The following DOCK3 variants were observed in gnomAD, a reference collection of about 807,000 sequenced individuals.
DOCK3 encodes dedicator of cytokinesis 3, also known as dedicator of cytokinesis protein 3.
In DOCK3, 60 loss-of-function variants were observed where a neutral mutation model predicts 265.6. The ratio of observed to expected loss-of-function variants is 0.23; its 90% CI spans 0.18 to 0.28. The LOEUF is 0.28. DOCK3 is among the 10% of genes least tolerant of loss of function. The pLI is 1.00. For synonymous variants in DOCK3, 881 were observed against 938.0 expected (o/e 0.94, Z 1.11); for missense variants, 1,981 against 2,594.3 (o/e 0.76, Z 5.14).
intron 9 of DOCK3, among the ~76,000 whole-genome samples, chr3:51,117,027 CCTTGT>C (rs2083772419): frequency 6.6e-6 from 1 of 152,172 alleles, no homozygotes; most frequent in Non-Finnish European, 1.5e-5. Flanking sequence ...GAGAGGGCAT[CCTTGT>C]CTTGTGCCAG....
At chr3:50,966,190 A>G (rs2077027004) in intron 5 of DOCK3, among the ~76,000 whole-genome samples, 1 of 152,122 alleles carries the variant, frequency 6.6e-6, no homozygotes. Flanking sequence ...GTTATTGTAT[A>G]TATTCCACAT....
At chr3:50,703,224 G>A (rs1294479168) in intron 1 of DOCK3, among the ~76,000 whole-genome samples, 2 of 152,234 alleles carry the variant, frequency 1.3e-5, no homozygotes, top group South Asian at 2.1e-4. Flanking sequence ...TCTTTTTGAT[G>A]TGTTATTATA....
At chr3:51,290,641 A>G (rs1250103992) in intron 27 of DOCK3, among the ~76,000 whole-genome samples, 9 of 152,190 alleles carry the variant, frequency 5.9e-5, no homozygotes, top group Admixed American at 5.9e-4. Context: ...ATATGTAACA[A>G]ACCTGCATGT....
chr3:51,281,274 A>AAAATATATATATATAT (rs2081096243), intron 27 of DOCK3, among the ~76,000 whole-genome samples: 2 of 125,680 alleles, frequency 1.6e-5, no homozygotes, highest in African/African-American at 6.1e-5. Flanking sequence ...GATGAGCTAA[A>AAAATATATATATATAT]ATATATATAT....
intron 5 of DOCK3, among the ~76,000 whole-genome samples, chr3:50,950,958 A>ATCTCTC (rs35552377): frequency 1.3e-5 from 2 of 149,984 alleles, no homozygotes; most frequent in African/African-American, 4.9e-5. Context: ...AACGGAGGGA[A>ATCTCTC]TCTCTCTCTC....
chr3:51,232,028 A>G (rs1055820520), intron 19 of DOCK3, among the ~76,000 whole-genome samples: 1 of 152,232 alleles, frequency 6.6e-6, no homozygotes, highest in Non-Finnish European at 1.5e-5. Context: ...TTTCCACACA[A>G]TGTAAATATA....
In DOCK3 at chr3:50,975,752, G is replaced by T. The variant is rs543229352; in HGVS notation, c.315+41675G>T. ...CTCCTTGTACTTCTGGTAGAATTCC[G>T]CTGTGAATCCATCTGGTCCTGGACT... is the stretch of plus-strand genomic sequence containing the variant. On this transcript the variant is annotated intron_variant, in intron 5 of 52. Transcript: ENST00000266037. Among the ~76,000 whole-genome samples, 36 of 152,170 alleles carry T rather than the reference G, an allele frequency of 2.4e-4. No homozygotes were observed. The South Asian group carries it at 6.0e-3, about 25-fold the overall frequency.
intron 2 of DOCK3, among the ~76,000 whole-genome samples, chr3:50,803,708 C>G (rs2043203393): frequency 6.6e-6 from 1 of 151,494 alleles, no homozygotes; most frequent in Non-Finnish European, 1.5e-5. Flanking sequence ...GGCTGCCCCC[C>G]ACCTCCCTCC....
At chr3:51,245,222 G>A (rs935683660) in intron 21 of DOCK3, among the ~76,000 whole-genome samples, 1 of 151,844 alleles carries the variant, frequency 6.6e-6, no homozygotes, top group Non-Finnish European at 1.5e-5. Flanking sequence ...CTGTAATCCC[G>A]GCTGCTTGGG....
chr3:51,054,121 T>C (rs889886966), intron 5 of DOCK3, among the ~76,000 whole-genome samples: 1 of 84,984 alleles, frequency 1.2e-5, no homozygotes, highest in African/African-American at 4.4e-5. Context: ...CGTAGCTTCC[T>C]AAAAAAAAAA....
chr3:50,959,839 C>T (rs1322938212), intron 5 of DOCK3, among the ~76,000 whole-genome samples: 1 of 152,064 alleles, frequency 6.6e-6, no homozygotes, highest in Non-Finnish European at 1.5e-5. Flanking sequence ...CTCGGCCTCT[C>T]AAAGTACTAG....
chr3:50,865,621 A>G (rs2047105853), intron 3 of DOCK3, among the ~76,000 whole-genome samples: 2 of 152,302 alleles, frequency 1.3e-5, no homozygotes, highest in African/African-American at 4.8e-5. Flanking sequence ...ATGGGAGCGC[A>G]TGTATCTCTT....
chr3:51,012,575 C>G (rs62257841), intron 5 of DOCK3, among the ~76,000 whole-genome samples: 1 of 152,096 alleles, frequency 6.6e-6, no homozygotes, highest in Non-Finnish European at 1.5e-5. Flanking sequence ...AAAGGGATTT[C>G]TCTGACCCCT....
intron 5 of DOCK3, among the ~76,000 whole-genome samples, chr3:50,978,050 T>A (rs944365827): frequency 6.6e-6 from 1 of 152,028 alleles, no homozygotes; most frequent in East Asian, 1.9e-4. Context: ...TTCTTCTAAA[T>A]TTTTTTCAAA....
intron 27 of DOCK3, among the ~76,000 whole-genome samples, chr3:51,289,486 A>G (rs1385452378): frequency 1.3e-5 from 2 of 152,354 alleles, no homozygotes; most frequent in Non-Finnish European, 2.9e-5. Context: ...GAAGAAAGCA[A>G]TACAGGAAGA....
At chr3:51,285,658 G>A (rs1487292026) in intron 27 of DOCK3, among the ~76,000 whole-genome samples, 3 of 152,008 alleles carry the variant, frequency 2.0e-5, no homozygotes, top group Non-Finnish European at 2.9e-5. Flanking sequence ...GGTAAGGCCA[G>A]GTGCAGTGCC....
At chr3:51,150,734 G>C (rs996544009) in intron 10 of DOCK3, among the ~76,000 whole-genome samples, 1 of 152,324 alleles carries the variant, frequency 6.6e-6, no homozygotes, top group African/African-American at 2.4e-5. Context: ...TTTTACATTT[G>C]CTGAGGAGTG....
chr3:51,209,001 T>A, intron 13 of DOCK3, 139 bp downstream of exon 13: 1 of 726,460 alleles, frequency 1.4e-6, no homozygotes, highest in East Asian at 2.7e-5. Context: ...TCCTACTCAT[T>A]CTTTTTGTAA....
rs1385813525 is a variant in DOCK3, at chr3:51,260,199, T to C, written c.2228T>C (p.Leu743Pro). The C allele has an allele frequency of 1.2e-6, 2 of 1,613,800 alleles. No individual in the cohort carries two copies. Among genetic ancestry groups the C allele is most frequent in the Non-Finnish European group, 1.7e-6 (2 of 1,179,878 alleles). ...AAGTTCATTGTACAGTCACGGATCC[T>C]GTACTCACGAGCCACTTGTGGAATG... ...LFKFIVQSRI[L>P]YSRATCGMEE... The change falls in exon 23 of 53, where the codon CTG becomes CCG. Residue 743 changes from leucine (L) to proline (P), a missense_variant. By Grantham distance (98) the Leu-to-Pro change is moderately conservative. Around this residue, in one of 4 missense-constraint regions of DOCK3, gnomAD observed 1,357 missense variants for 1,866.8 expected, o/e 0.73. Coordinates refer to ENST00000266037, the MANE Select transcript of DOCK3 (RefSeq NM_004947.5).
Sources: allele counts gnomAD v4.1 joint callset (sites outside exome capture counted in the v4.1 genomes callset), GRCh38; gene constraint gnomAD v4.1.1; regional missense constraint gnomAD v4.1.1; transcripts MANE v1.5; gene names NCBI Gene and HGNC (gene_info 2026-07-23, HGNC 2026-07-21).